GNAO1: variants seen among roughly 807,000 people sequenced by gnomAD.
GNAO1 encodes the protein guanine nucleotide-binding protein G(o) subunit alpha.
For synonymous variants in GNAO1, 164 were observed against 180.7 expected (o/e 0.91, Z 0.74); for missense variants, 166 against 478.7 (o/e 0.35, Z 6.10).
At chr16:56,294,306 T>C (rs1014305309) in intron 3 of GNAO1, among the ~76,000 whole-genome samples, 1 of 147,148 alleles carries the variant, frequency 6.8e-6, no homozygotes, top group Non-Finnish European at 1.5e-5. Flanking sequence ...TGGGGGCTGC[T>C]CTCTTTGCTC....
At chr16:56,288,557 T>C (rs1205497921) in intron 3 of GNAO1, among the ~76,000 whole-genome samples, 4 of 152,164 alleles carry the variant, frequency 2.6e-5, no homozygotes, top group African/African-American at 9.7e-5. Context: ...TGCTTCCTCT[T>C]GGGGAAAAGT....
chr16:56,193,928 C>A, intron 2 of GNAO1: 1 of 360,410 alleles, frequency 2.8e-6, no homozygotes, highest in Non-Finnish European at 5.5e-6. Context: ...CAACTTGACA[C>A]AATAGCCGAA....
At chr16:56,228,534 T>C (rs1361291055) in intron 2 of GNAO1, among the ~76,000 whole-genome samples, 1 of 152,150 alleles carries the variant, frequency 6.6e-6, no homozygotes, top group African/African-American at 2.4e-5. Context: ...CTGGAAGTTA[T>C]CATAACTAGA....
chr16:56,219,000 A>C (rs1215657076), intron 2 of GNAO1, among the ~76,000 whole-genome samples: 3 of 152,110 alleles, frequency 2.0e-5, no homozygotes, highest in Non-Finnish European at 4.4e-5. Flanking sequence ...ACTTTAGGGG[A>C]ATATGCTCAG....
intron 2 of GNAO1, among the ~76,000 whole-genome samples, chr16:56,234,736 C>G (rs1044762486): frequency 1.3e-5 from 2 of 152,184 alleles, no homozygotes; most frequent in South Asian, 2.1e-4. Context: ...TGGTTCCCCC[C>G]CAACTCCTAT....
intron 3 of GNAO1, among the ~76,000 whole-genome samples, chr16:56,290,013 T>C (rs1251384889): frequency 6.6e-6 from 1 of 152,162 alleles, no homozygotes. Context: ...GCATCTTTGC[T>C]CTCAGGATAA....
In GNAO1 at chr16:56,328,536, C is replaced by T. The variant is rs16956353; in HGVS notation, c.304-95C>T. On this transcript the variant is annotated intron_variant, in intron 3 of 8. Coordinates refer to ENST00000262493, the MANE Select transcript of GNAO1 (RefSeq NM_020988.3). ...GCGGTCCTGCTGCACTGGCTGGGCT[C>T]TCATCACAGTCCCCGCTAGGGGAGA... 0.027 allele frequency: 35,472 copies of T among 1,310,938 alleles called. 748 individuals are homozygous for T. Among genetic ancestry groups the T allele is most frequent in the South Asian group, 0.086 (6,496 of 75,210 alleles). 81.2% of individuals were successfully genotyped at this position (1,310,938 alleles called of 1,614,324 possible).
intron 6 of GNAO1, chr16:56,345,214 G>A: frequency 2.0e-6 from 2 of 985,600 alleles, no homozygotes; most frequent in Non-Finnish European, 2.4e-6. Flanking sequence ...ACTCCAAGAT[G>A]CCTCCAGGTG....
At chr16:56,340,702 G>T in intron 6 of GNAO1, 1 of 760,592 alleles carries the variant, frequency 1.3e-6, no homozygotes, top group South Asian at 1.6e-5. Context: ...CCGTCCTGGT[G>T]GTCTCCGTCC....
intron 6 of GNAO1, chr16:56,345,411 G>T: frequency 2.0e-6 from 2 of 985,836 alleles, no homozygotes; most frequent in Non-Finnish European, 2.4e-6. Context: ...AGGGCCCCTG[G>T]GTTTCCACTT....
intron 3 of GNAO1, among the ~76,000 whole-genome samples, chr16:56,325,765 G>C (rs1420106646): frequency 6.6e-6 from 1 of 152,130 alleles, no homozygotes; most frequent in African/African-American, 2.4e-5. Context: ...ACGGGATAGG[G>C]CTCACAGGAC....
chr16:56,211,073 C>G (rs1156389765), intron 2 of GNAO1, among the ~76,000 whole-genome samples: 6 of 152,154 alleles, frequency 3.9e-5, no homozygotes, highest in Non-Finnish European at 8.8e-5. Context: ...AGTAGCAGAG[C>G]AAGCATGAAT....
intron 2 of GNAO1, among the ~76,000 whole-genome samples, chr16:56,264,957 C>G (rs2036938270): frequency 6.6e-6 from 1 of 152,162 alleles, no homozygotes; most frequent in Middle Eastern, 3.2e-3. Flanking sequence ...TTAGCTGAGT[C>G]TTCTCTTCTT....
rs557114009 is a variant in GNAO1, at chr16:56,260,294, C to T, written c.162-15637C>T. ...GGGCCTTTTTTCTTTTTGTCTCTAC[C>T]TGAAATCCAGATGAGAGTCTGAGAG... On this transcript the variant is annotated intron_variant, in intron 2 of 8. Transcript: ENST00000262493. Among the ~76,000 whole-genome samples, 676 of 152,276 alleles carry T rather than the reference C, an allele frequency of 4.4e-3. 4 individuals are homozygous for T. The highest frequency in any genetic ancestry group is 7.5e-3 in the Non-Finnish European group (511 of 68,020).
chr16:56,267,515 G>A (rs1304238076), intron 2 of GNAO1, among the ~76,000 whole-genome samples: 4 of 152,140 alleles, frequency 2.6e-5, no homozygotes, highest in Admixed American at 6.5e-5. Flanking sequence ...GGACCACACA[G>A]CGTTGTCTCC....
At chr16:56,207,526 T>A (rs2036341432) in intron 2 of GNAO1, among the ~76,000 whole-genome samples, 1 of 152,244 alleles carries the variant, frequency 6.6e-6, no homozygotes, top group Admixed American at 6.5e-5. Context: ...ATCACACCAC[T>A]CAGAACATTC....
rs2143271938 is a variant in GNAO1, at chr16:56,192,562, G to A, written c.119-12G>A. The stretch of plus-strand genomic sequence containing the variant: ...ACTCACCAGTTTTTCCCCACTGTCT[G>A]TGTCCCAACAGGGGCTGGAGAATCA... On this transcript the variant is annotated splice_polypyrimidine_tract_variant and intron_variant, in intron 1 of 8. Transcript: ENST00000262493. 7.6e-6 allele frequency: 12 copies of A among 1,585,584 alleles called. No homozygotes were observed. Among genetic ancestry groups the A allele is most frequent in the Non-Finnish European group, 9.5e-6 (11 of 1,159,286 alleles).
At chr16:56,276,614 GT>G (rs1236151200) in intron 3 of GNAO1, 1 of 153,192 alleles carries the variant, frequency 6.5e-6, no homozygotes, top group African/African-American at 2.4e-5. Context: ...AACAGGGACT[GT>G]TTGGGGGTAA....
At chr16:56,204,524 G>T (rs2036308287) in intron 2 of GNAO1, among the ~76,000 whole-genome samples, 1 of 152,098 alleles carries the variant, frequency 6.6e-6, no homozygotes, top group Admixed American at 6.5e-5. Flanking sequence ...CTGGCAAAAG[G>T]AGCCAGAGAG....
Sources: allele counts gnomAD v4.1 joint callset (sites outside exome capture counted in the v4.1 genomes callset), GRCh38; gene constraint gnomAD v4.1.1; transcripts MANE v1.5; gene names NCBI Gene and HGNC (gene_info 2026-07-23, HGNC 2026-07-21).